The following CENPF variants were observed in gnomAD, a reference collection of about 807,000 sequenced individuals.
CENPF encodes the protein AH antigen.
CENPF carries 214 observed loss-of-function variants against 307.3 expected under a neutral mutation model. That is an observed-to-expected ratio of 0.70 (90% CI 0.62 to 0.78). CENPF has a LOEUF of 0.78. Among genes scored for constraint, CENPF ranks in the 30% least tolerant of loss-of-function variants. The pLI is 0.00. For synonymous variants in CENPF, 1,259 were observed against 1,270.6 expected, an observed-to-expected ratio of 0.99 and a Z score of 0.19; for missense variants, 3,401 against 3,483.9, an observed-to-expected ratio of 0.98 and a Z score of 0.60.
intron 1 of CENPF, among the ~76,000 whole-genome samples, chr1:214,609,122 C>T (rs1174002767): frequency 2.0e-5 from 3 of 151,952 alleles, no homozygotes; most frequent in Admixed American, 6.5e-5. Flanking sequence ...CACTCCATGG[C>T]GCCTGGCCGC....
At chr1:214,636,488 C>G (rs1357457168) in intron 10 of CENPF, among the ~76,000 whole-genome samples, 1 of 152,180 alleles carries the variant, frequency 6.6e-6, no homozygotes, top group Non-Finnish European at 1.5e-5. Flanking sequence ...AGTATAATAA[C>G]TACAACAGGT....
Position 214,641,774 on chromosome 1 carries a change from G to C in CENPF, c.3436G>C (p.Val1146Leu). Residue 1146 changes from valine to leucine, a missense_variant, in exon 12 of 20, where the codon GTT (valine) becomes CTT (leucine). Transcript: ENST00000366955. ...KEEQNKMQKE[V>L]NDLLQENEQL... ...AGAACAAAACAAAATGCAAAAGGAA[G>C]TTAATGACTTATTACAAGAGAATGA... 1.3e-6 allele frequency: 2 copies of C among 1,591,184 alleles called. No homozygotes were observed. The highest frequency in any genetic ancestry group is 1.7e-6 in the Non-Finnish European group (2 of 1,173,536).
intron 5 of CENPF, 74 bp from the exon 6 acceptor site, chr1:214,620,581 T>C (rs1657476387): frequency 1.4e-6 from 2 of 1,450,850 alleles, no homozygotes; most frequent in Non-Finnish European, 1.9e-6. Context: ...TATGGCTTTA[T>C]ATTCTATCTG....
At chr1:214,634,200 C>T in intron 10 of CENPF, among the ~76,000 whole-genome samples, 1 of 152,268 alleles carries the variant, frequency 6.6e-6, no homozygotes, top group Non-Finnish European at 1.5e-5. Flanking sequence ...ATGAGGGCAT[C>T]TGTGTGAAAG....
chr1:214,661,931 A>C (rs1007031235), intron 19 of CENPF, among the ~76,000 whole-genome samples: 1 of 152,090 alleles, frequency 6.6e-6, no homozygotes, highest in Non-Finnish European at 1.5e-5. Context: ...TTAATAGATT[A>C]AATACTTGGT....
At chr1:214,631,245 G>A (rs1449112627) in intron 9 of CENPF, among the ~76,000 whole-genome samples, 1 of 152,032 alleles carries the variant, frequency 6.6e-6, no homozygotes, top group Non-Finnish European at 1.5e-5. Context: ...TCCATTCCCC[G>A]CATTGCTGGG....
intron 1 of CENPF, chr1:214,612,938 C>T (rs1657237400): frequency 9.0e-6 from 2 of 221,180 alleles, no homozygotes; most frequent in Admixed American, 4.9e-5. Flanking sequence ...AGGGGAAGGG[C>T]CTATGGTTTT....
Position 214,620,724 on chromosome 1 carries a change from T to C in CENPF, c.643T>C (p.Ser215Pro), listed in dbSNP as rs369501655. 28 of 1,614,072 alleles carry C rather than the reference T, an allele frequency of 1.7e-5. No homozygotes were observed. In the African/African-American group the frequency reaches 3.5e-4, roughly 20 times the overall value. Residue 215 changes from serine to proline, a missense_variant, in exon 6 of 20, where the codon TCT becomes CCT. Coordinates refer to ENST00000366955, the MANE Select transcript of CENPF (RefSeq NM_016343.4). ...CATTGCCCGGCATCAGGCTTCATCA[T>C]CTGTGTTCTCATGGCAGCAAGAGAA... ...RDIARHQASS[S>P]VFSWQQEKTP...
chr1:214,621,331 C>T (rs983444473), intron 6 of CENPF, among the ~76,000 whole-genome samples: 5 of 152,198 alleles, frequency 3.3e-5, no homozygotes, highest in Non-Finnish European at 7.3e-5. Context: ...GTGTGTGTGT[C>T]TGCAGAACAG....
At chr1:214,636,888 C>G (rs896428902) in intron 10 of CENPF, among the ~76,000 whole-genome samples, 1 of 152,304 alleles carries the variant, frequency 6.6e-6, no homozygotes, top group Admixed American at 6.5e-5. Flanking sequence ...ATGATTTATG[C>G]CAATTCCCTG....
At position 214,650,072 on chromosome 1, in the gene CENPF, T is replaced by A. The variant is rs74741413; in HGVS notation, c.7983+1245T>A. 1.3e-3 allele frequency among the ~76,000 whole-genome samples: 200 copies of A among 152,292 alleles called. 2 individuals are homozygous for A. The highest frequency in any genetic ancestry group is 4.6e-3 in the African/African-American group (193 of 41,568). ...ACAAATAAGATTCTTTGCTGTGGAA[T>A]AATTGGGATGTGGGGATATCAGGGT... is the stretch of plus-strand genomic sequence containing the variant. On this transcript the variant is annotated intron_variant, in intron 14 of 19. Transcript: ENST00000366955.
chr1:214,646,272 T>A lies in CENPF; in HGVS notation c.6702T>A (p.Ser2234=), dbSNP rs1259623921. The part of the protein sequence containing the change: ...GQLSELDKLL[S]SFKSLLEEKE... ...TGTCAGAACTAGACAAGTTACTCTC[T>A]TCATTTAAAAGTCTGTTAGAAGAAA... The change falls in exon 13 of 20, where the codon TCT becomes TCA. Residue 2234 remains serine, a synonymous_variant. Transcript: ENST00000366955. 3 of 1,613,962 alleles carry A rather than the reference T, an allele frequency of 1.9e-6. No homozygotes were observed. The highest frequency in any genetic ancestry group is 2.5e-6 in the Non-Finnish European group (3 of 1,180,028).
rs576144540 is a variant in CENPF at position 214,646,585 on chromosome 1, G to A, written c.7015G>A (p.Glu2339Lys). Residue 2339 changes from glutamate (E) to lysine (K), a missense_variant, in exon 13 of 20, where the codon GAG becomes AAG. Coordinates refer to ENST00000366955, the MANE Select transcript of CENPF (RefSeq NM_016343.4). ...TGCAGATTTACTTAAGGGTAGAGTGGAGAACCTTGAAAGAGAGCTAGAGAT... is the reference window on the plus strand; with the variant it reads ...TGCAGATTTACTTAAGGGTAGAGTGAAGAACCTTGAAAGAGAGCTAGAGAT... ...HHADLLKGRVENLERELEIAR... is the reference protein window; with the variant it reads ...HHADLLKGRVKNLERELEIAR... The A allele has an allele frequency of 6.2e-7, 1 of 1,614,106 alleles. No individual in the cohort carries two copies. Among genetic ancestry groups the A allele is most frequent in the South Asian group, 1.1e-5 (1 of 91,078 alleles).
intron 11 of CENPF, among the ~76,000 whole-genome samples, chr1:214,639,157 T>C (rs1571713158): frequency 6.6e-6 from 1 of 152,336 alleles, no homozygotes; most frequent in South Asian, 2.1e-4. Context: ...TCCCCCAACA[T>C]ACTTGAGCAA....
At chr1:214,653,323 A>T (rs1416820848) in intron 16 of CENPF, among the ~76,000 whole-genome samples, 1 of 152,124 alleles carries the variant, frequency 6.6e-6, no homozygotes, top group Non-Finnish European at 1.5e-5. Flanking sequence ...GGCAATTCCA[A>T]AATCTTGAAT....
chr1:214,610,403 T>A, intron 1 of CENPF, among the ~76,000 whole-genome samples: 1 of 152,212 alleles, frequency 6.6e-6, no homozygotes. Flanking sequence ...AGATGGTATT[T>A]CATTGTGGTT....
chr1:214,656,900 G>A (rs1558192199), intron 17 of CENPF, 33 bp from the exon 18 acceptor site: 1 of 1,386,804 alleles, frequency 7.2e-7, no homozygotes, highest in East Asian at 2.3e-5. Context: ...GAAGCATCAA[G>A]TTGCACATGA....
intron 7 of CENPF, among the ~76,000 whole-genome samples, chr1:214,627,051 A>G (rs1571704901): frequency 6.6e-6 from 1 of 152,110 alleles, no homozygotes; most frequent in African/African-American, 2.4e-5. Flanking sequence ...CTGGTTTTCT[A>G]TTAGAGTCTT....
At chr1:214,626,182 A>AT (rs1657650175) in intron 7 of CENPF, among the ~76,000 whole-genome samples, 1 of 151,284 alleles carries the variant, frequency 6.6e-6, no homozygotes, top group African/African-American at 2.4e-5. Context: ...GAATGTCTTG[A>AT]TTTTCTTTTC....
Sources: gnomAD v4.1 joint callset for allele counts (sites outside exome capture counted in the v4.1 genomes callset) on GRCh38, gnomAD v4.1.1 for gene constraint, MANE v1.5 for transcripts, NCBI Gene and HGNC (gene_info 2026-07-23, HGNC 2026-07-21) for gene names.